PIWIL4: variants seen among roughly 807,000 people sequenced by gnomAD.
PIWIL4 encodes the protein piwi like RNA-mediated gene silencing 4, also known as piwi-like protein 4.
Under a neutral mutation model 100.9 loss-of-function variants are expected in PIWIL4, and 50 were observed. That is an observed-to-expected ratio of 0.50 (90% CI 0.39 to 0.63). The LOEUF (loss-of-function observed/expected upper bound fraction) is 0.63. Ranked by LOEUF, PIWIL4 falls within the 20% of genes least tolerant of loss-of-function variation. PIWIL4 has a pLI of 0.00. For synonymous variants in PIWIL4, 342 were observed against 367.5 expected (o/e 0.93, Z 0.79); for missense variants, 887 against 1,043.3 (o/e 0.85, Z 2.06).
intron 5 of PIWIL4, 121 bp from the exon 6 acceptor site, chr11:94,585,324 T>G: frequency 1.1e-5 from 7 of 631,780 alleles, no homozygotes; most frequent in East Asian, 2.8e-5. Context: ...TGCAGTCCTG[T>G]GAGAATGAGA....
At chr11:94,609,765 T>C (rs568136686) in intron 15 of PIWIL4, among the ~76,000 whole-genome samples, 1 of 152,250 alleles carries the variant, frequency 6.6e-6, no homozygotes, top group Non-Finnish European at 1.5e-5. Context: ...ATGCATACAT[T>C]ATATATATTT....
chr11:94,588,878 A>T (rs988250578), intron 7 of PIWIL4, among the ~76,000 whole-genome samples: 2 of 152,256 alleles, frequency 1.3e-5, no homozygotes, highest in African/African-American at 4.8e-5. Context: ...ACTGTGGTCT[A>T]AGGACTTTCC....
intron 11 of PIWIL4, among the ~76,000 whole-genome samples, chr11:94,599,565 G>T (rs476209): frequency 0.28 from 42,256 of 152,052 alleles, 7,529 homozygotes; most frequent in African/African-American, 0.49. Context: ...AGGAATGAAC[G>T]TTGACTCCAG....
At chr11:94,612,571 T>C (rs2135300497) in intron 15 of PIWIL4, among the ~76,000 whole-genome samples, 1 of 152,296 alleles carries the variant, frequency 6.6e-6, no homozygotes, top group South Asian at 2.1e-4. Flanking sequence ...TGACTCACTA[T>C]TGTGATTTTA....
Position 94,607,655 on chromosome 11 carries a change from C to T in PIWIL4, c.1839+16C>T, listed in dbSNP as rs772474957. On this transcript the variant is annotated intron_variant, in intron 14 of 19. Transcript: ENST00000299001. The stretch of plus-strand genomic sequence containing the variant: ...GGAAATACCTGTAAGGACCCTGTCA[C>T]ATTTTTTCTATTAGTAATTAATAAA... 6.2e-7 allele frequency: 1 copy of T among 1,601,930 alleles called. No homozygotes were observed. Among genetic ancestry groups the T allele is most frequent in the South Asian group, 1.1e-5 (1 of 88,886 alleles).
chr11:94,612,318 T>G (rs202044901), intron 15 of PIWIL4, among the ~76,000 whole-genome samples: 43,722 of 112,910 alleles, frequency 0.39, 6,662 homozygotes, highest in East Asian at 0.45. Flanking sequence ...TTGTGAGGTT[T>G]TTTTTTTTTT....
Position 94,575,017 on chromosome 11 carries a change from C to A in PIWIL4, c.185C>A (p.Ser62Tyr). 1 of 1,612,534 alleles carries A rather than the reference C, an allele frequency of 6.2e-7. No individual in the cohort carries two copies. Among genetic ancestry groups the A allele is most frequent in the South Asian group, 1.1e-5 (1 of 91,002 alleles). Residue 62 changes from serine (S) to tyrosine (Y), a missense_variant, in exon 3 of 20, where the codon TCT (serine) becomes TAT (tyrosine). Physicochemically the swap from Ser to Tyr is moderately radical, Grantham distance 144. Coordinates refer to ENST00000299001, the MANE Select transcript of PIWIL4 (RefSeq NM_152431.3). ...GTTTTAGATAAATATGGGATATCTT[C>A]TGGTGATGCTGGAAGTACCTTCATG... Reference protein sequence around the residue: ...ISTNDKYGISSGDAGSTFMER... With the variant: ...ISTNDKYGISYGDAGSTFMER...
intron 19 of PIWIL4, among the ~76,000 whole-genome samples, chr11:94,620,390 C>T (rs575896610): frequency 5.9e-5 from 9 of 152,194 alleles, no homozygotes; most frequent in Admixed American, 3.9e-4. Flanking sequence ...AGTTTCTAGA[C>T]GACTTTGTTA....
In PIWIL4 at chr11:94,597,903, G is replaced by A; in HGVS notation, c.1368G>A (p.Met456Ile). 1 of 1,609,208 alleles carries A rather than the reference G, an allele frequency of 6.2e-7. No homozygotes were observed. The highest frequency in any genetic ancestry group is 8.5e-7 in the Non-Finnish European group (1 of 1,175,598). The change falls in exon 11 of 20, where the codon ATG (methionine) becomes ATA (isoleucine). Residue 456 changes from methionine to isoleucine, a missense_variant. Transcript: ENST00000299001. ...TTGTGCCTTCAGAAAAAATATTAAT[G>A]CAAGACCACATAGTAAGTGCTGTGA... The part of the protein sequence containing the change: ...GRIVPSEKIL[M>I]QDHICQPVSA...
chr11:94,570,694 C>T lies in PIWIL4; in HGVS notation c.166+1886C>T, dbSNP rs146384049. 3.9e-3 allele frequency among the ~76,000 whole-genome samples: 590 copies of T among 152,198 alleles called. 2 individuals carry two copies. The highest frequency in any genetic ancestry group is 0.01 in the Middle Eastern group (3 of 294). The stretch of plus-strand genomic sequence containing the variant: ...TCACCTGAGGTCAGGAGTTCGAGAC[C>T]AGCCTGGCTAACATGGTGAAACCCC... On this transcript the variant is annotated intron_variant, in intron 2 of 19. Transcript: ENST00000299001.
chr11:94,586,651 C>A (rs781044132), intron 6 of PIWIL4, among the ~76,000 whole-genome samples: 1 of 152,166 alleles, frequency 6.6e-6, no homozygotes, highest in Non-Finnish European at 1.5e-5. Context: ...CATTTCCCCC[C>A]CCTCTTCAGG....
At chr11:94,614,300 C>CTTTTTTTTTTTTTTT (rs57731239) in intron 15 of PIWIL4, among the ~76,000 whole-genome samples, 51 of 120,100 alleles carry the variant, frequency 4.2e-4, no homozygotes, top group East Asian at 7.2e-4. Context: ...TTTTTCTTTT[C>CTTTTTTTTTTTTTTT]TTTTTTTTTT....
intron 4 of PIWIL4, among the ~76,000 whole-genome samples, chr11:94,577,889 CTT>C (rs1948260026): frequency 6.6e-6 from 1 of 152,126 alleles, no homozygotes; most frequent in Non-Finnish European, 1.5e-5. Context: ...CCCATTGAAA[CTT>C]TTGCAAACTT....
rs140949565 is a variant in PIWIL4 at position 94,567,543 on chromosome 11, G to C, written c.25G>C (p.Ala9Pro). Residue 9 changes from alanine (A) to proline (P), a missense_variant, in exon 1 of 20, where the codon GCC becomes CCC. Ala to Pro is a conservative substitution (Grantham distance 27, BLOSUM62 -1). This residue lies in a region of PIWIL4 where 146 missense variants were observed against 113.4 expected (regional missense o/e 1.29). Coordinates refer to ENST00000299001, the MANE Select transcript of PIWIL4 (RefSeq NM_152431.3). ...CATGAGTGGAAGAGCCCGAGTGAAG[G>C]CCAGAGGCATCGCCCGCAGCCCCAG... MSGRARVK[A>P]RGIARSPSAT... 2.5e-4 allele frequency: 395 copies of C among 1,604,078 alleles called. 2 individuals are homozygous for C. In the African/African-American group the frequency reaches 4.7e-3, roughly 19 times the overall value.
chr11:94,573,707 C>A (rs1265646516), intron 2 of PIWIL4, among the ~76,000 whole-genome samples: 3 of 152,064 alleles, frequency 2.0e-5, no homozygotes, highest in Non-Finnish European at 2.9e-5. Context: ...GATGAAAATC[C>A]TTCATCCTTG....
At chr11:94,603,221 A>C (rs1282916318) in intron 12 of PIWIL4, among the ~76,000 whole-genome samples, 4 of 152,208 alleles carry the variant, frequency 2.6e-5, no homozygotes, top group Non-Finnish European at 5.9e-5. Flanking sequence ...CCAGCCAGTC[A>C]CATAGGTCTG....
In PIWIL4 at chr11:94,620,109, ACAT is replaced by A. The variant is rs745466187; in HGVS notation, c.2408_2410del (p.Thr803_Phe804delinsIle). The stretch of plus-strand genomic sequence containing the variant: ...GAAGCCCGACCATATGCAGAGACTT[ACAT>A]TCAAATTGTGCCACCTGTACTACAA... On this transcript the variant is annotated inframe_deletion, in exon 19 of 20. Transcript: ENST00000299001. 32 of 1,610,186 alleles carry A rather than the reference ACAT, an allele frequency of 2.0e-5. No individual in the cohort carries two copies. The South Asian group carries it at 3.5e-4, about 18-fold the overall frequency.
intron 13 of PIWIL4, among the ~76,000 whole-genome samples, chr11:94,606,788 C>T (rs1204241733): frequency 1.3e-5 from 2 of 148,840 alleles, no homozygotes; most frequent in Admixed American, 6.7e-5. Flanking sequence ...GAGCCAAGAT[C>T]GTGCCACTGC....
chr11:94,571,362 T>A (rs1453915983), intron 2 of PIWIL4, among the ~76,000 whole-genome samples: 1 of 152,222 alleles, frequency 6.6e-6, no homozygotes, highest in Non-Finnish European at 1.5e-5. Flanking sequence ...TGTATACATG[T>A]GCCATGTTGG....
Sources: gnomAD v4.1 joint callset for allele counts (sites outside exome capture counted in the v4.1 genomes callset) on GRCh38, gnomAD v4.1.1 for gene constraint, gnomAD v4.1.1 regional missense constraint, MANE v1.5 for transcripts, NCBI Gene and HGNC (gene_info 2026-07-23, HGNC 2026-07-21) for gene names.